FRK: variants seen among roughly 807,000 people sequenced by gnomAD.
FRK encodes the protein tyrosine-protein kinase FRK.
A neutral mutation model predicts 56.4 loss-of-function variants in FRK; 51 were observed. That is an observed-to-expected ratio of 0.90 (90% confidence interval 0.72 to 1.14). The LOEUF (loss-of-function observed/expected upper bound fraction) is 1.14, where lower values mean the gene tolerates loss of function less well. Among genes scored for constraint, FRK ranks in the 50% most tolerant of loss-of-function variants. The pLI is 0.00. For missense variants in FRK, 570 were observed against 601.4 expected, an observed-to-expected ratio of 0.95 and a Z score of 0.55; for synonymous variants, 245 against 217.9, an observed-to-expected ratio of 1.12 and a Z score of -1.10.
At chr6:116,059,212 A>G (rs1352966818) in intron 1 of FRK, among the ~76,000 whole-genome samples, 3 of 152,124 alleles carry the variant, frequency 2.0e-5, no homozygotes, top group Non-Finnish European at 4.4e-5. Context: ...AAGTACATAA[A>G]AACTTTCCTC....
rs567622487 is a variant in FRK, at chr6:116,041,965, C to T, written c.344+18003G>A. On this transcript the variant is annotated intron_variant, in intron 1 of 7. Transcript: ENST00000606080. ...AGTGGTCTAGCTCAGCAGATCGCAC[C>T]CCCACGGAGCCCAGCAAGCTAAGAT... Among the ~76,000 whole-genome samples the T allele has an allele frequency of 8.5e-4, 129 of 152,282 alleles. 1 individual carries two copies. Among genetic ancestry groups the T allele is most frequent in the African/African-American group, 3.1e-3 (127 of 41,566 alleles).
At chr6:116,064,437 GA>G (rs1777718807), upstream of FRK, among the ~76,000 whole-genome samples, 1 of 152,064 alleles carries the variant, frequency 6.6e-6, no homozygotes, top group African/African-American at 2.4e-5. Flanking sequence ...CAGAAATAAA[GA>G]AAAAGAAACA....
At chr6:116,056,120 C>G (rs940032588) in intron 1 of FRK, among the ~76,000 whole-genome samples, 1 of 152,084 alleles carries the variant, frequency 6.6e-6, no homozygotes, top group African/African-American at 2.4e-5. Context: ...CATCTCTGAC[C>G]CTAGTTCAAT....
intron 1 of FRK, among the ~76,000 whole-genome samples, chr6:116,044,645 C>A (rs1776865699): frequency 6.6e-6 from 1 of 152,156 alleles, no homozygotes. Flanking sequence ...CGGGCAAAAG[C>A]TGGAAGCATT....
rs746427092 is a variant in FRK, at chr6:115,967,579, A to G, written c.771T>C (p.Thr257=). 2.4e-5 allele frequency: 39 copies of G among 1,613,498 alleles called. No homozygotes were observed. The East Asian group carries it at 8.5e-4, about 35-fold the overall frequency. The change falls in exon 4 of 8, where the codon ACT becomes ACC. Residue 257 remains threonine (T), a synonymous_variant. Transcript: ENST00000606080. ...GTTTTAATGTTTTCACTGCTACTGG[A>G]GTGGTATTGTTCCACAGACCTTCCC... ...EVWEGLWNNT[T]PVAVKTLKPG...
chr6:115,985,999 G>A (rs1037932439), intron 2 of FRK, among the ~76,000 whole-genome samples: 4 of 151,080 alleles, frequency 2.6e-5, no homozygotes, highest in South Asian at 2.1e-4. Context: ...TGGTTGGGGG[G>A]GAACAGTTAT....
intron 2 of FRK, chr6:116,002,735 A>G (rs1400283085): frequency 2.2e-6 from 1 of 455,540 alleles, no homozygotes; most frequent in Non-Finnish European, 4.4e-6. Flanking sequence ...GTGGTTCTGG[A>G]GTACCACATT....
At position 115,931,559 on chromosome 6, in the gene FRK, G is replaced by A. The variant is rs1159988327; in HGVS notation, c.*10855C>T. The A allele has an allele frequency of 6.6e-6, 1 of 152,066 alleles. No homozygotes were observed. Among genetic ancestry groups the A allele is most frequent in the Non-Finnish European group, 1.5e-5 (1 of 68,000 alleles). 9.4% of individuals were successfully genotyped at this position (152,066 alleles called of 1,614,324 possible). ...ATGTTTTTAAGAGAAAAATCTCACTGTGGTAGCTTTAAAGTATACAAATCT... is the reference window on the plus strand; with the variant it reads ...ATGTTTTTAAGAGAAAAATCTCACTATGGTAGCTTTAAAGTATACAAATCT... On this transcript the variant is annotated 3_prime_UTR_variant, in exon 8 of 8. Transcript: ENST00000606080.
the FRK span, among the ~76,000 whole-genome samples, chr6:116,079,148 G>A: frequency 7.2e-5 from 11 of 151,952 alleles, no homozygotes; most frequent in Non-Finnish European, 1.6e-4. Flanking sequence ...TTGCTGAGTA[G>A]TAGATTATAG....
intron 1 of FRK, among the ~76,000 whole-genome samples, chr6:116,032,435 A>C (rs1405191576): frequency 6.6e-6 from 1 of 152,072 alleles, no homozygotes; most frequent in African/African-American, 2.4e-5. Flanking sequence ...CTAAGGAAGG[A>C]GTGATCATTA....
chr6:116,058,879 C>G (rs1309752646), intron 1 of FRK, among the ~76,000 whole-genome samples: 2 of 144,166 alleles, frequency 1.4e-5, no homozygotes, highest in African/African-American at 2.6e-5. Context: ...CCACTGCACT[C>G]CAGCCTGGGG....
intron 1 of FRK, among the ~76,000 whole-genome samples, chr6:116,010,558 G>A (rs1775424022): frequency 6.6e-6 from 1 of 152,118 alleles, no homozygotes; most frequent in Non-Finnish European, 1.5e-5. Context: ...GAGACGATGT[G>A]ACACCAGGAT....
At chr6:115,952,463 C>CACT (rs1276959273) in intron 5 of FRK, among the ~76,000 whole-genome samples, 11 of 152,220 alleles carry the variant, frequency 7.2e-5, no homozygotes, top group Non-Finnish European at 1.2e-4. Flanking sequence ...AACACTTTTA[C>CACT]ACTCTTGGTG....
At chr6:115,951,037 G>A (rs557511609) in intron 5 of FRK, among the ~76,000 whole-genome samples, 1 of 152,282 alleles carries the variant, frequency 6.6e-6, no homozygotes, top group African/African-American at 2.4e-5. Flanking sequence ...TGAGCAAAGG[G>A]AGGGACAGCA....
At chr6:115,994,493 T>A (rs1774760893) in intron 2 of FRK, among the ~76,000 whole-genome samples, 1 of 152,054 alleles carries the variant, frequency 6.6e-6, no homozygotes, top group South Asian at 2.1e-4. Flanking sequence ...TCTCTAAACA[T>A]ATTAGCAATG....
Position 116,059,878 on chromosome 6 carries a change from A to T in FRK, c.344+90T>A, listed in dbSNP as rs979669303. 7 of 1,107,084 alleles carry T rather than the reference A, an allele frequency of 6.3e-6. No individual in the cohort carries two copies. In the East Asian group the frequency reaches 1.7e-4, roughly 26 times the overall value. The allele number at this position is 1,107,084 out of a possible 1,614,324, so 68.6% of individuals were successfully genotyped here. ...TCATACTTTTTAGGCAACTCTTTGG[A>T]CATTAGGGGGTTGTAGAGAAGTAGA... is the stretch of plus-strand genomic sequence containing the variant. On this transcript the variant is annotated intron_variant, in intron 1 of 7. Transcript: ENST00000606080.
chr6:116,051,271 A>G (rs1429190727), intron 1 of FRK, among the ~76,000 whole-genome samples: 1 of 152,162 alleles, frequency 6.6e-6, no homozygotes, highest in Non-Finnish European at 1.5e-5. Context: ...TCATGAAAAA[A>G]GTATTTGATT....
At chr6:115,989,064 G>A (rs1414542056) in intron 2 of FRK, among the ~76,000 whole-genome samples, 5 of 151,526 alleles carry the variant, frequency 3.3e-5, no homozygotes, top group South Asian at 2.1e-4. Flanking sequence ...ATGATATCTC[G>A]GTCTGAGAAG....
At chr6:116,028,767 C>G (rs1301451085) in intron 1 of FRK, among the ~76,000 whole-genome samples, 1 of 152,128 alleles carries the variant, frequency 6.6e-6, no homozygotes, top group Non-Finnish European at 1.5e-5. Context: ...TGCAATGTCT[C>G]TATTCCAAAT....
Sources: gnomAD v4.1 joint callset for allele counts (sites outside exome capture counted in the v4.1 genomes callset) on GRCh38, gnomAD v4.1.1 for gene constraint, MANE v1.5 for transcripts, NCBI Gene and HGNC (gene_info 2026-07-23, HGNC 2026-07-21) for gene names.